Variants in STK25 observed in about 807,000 individuals in gnomAD.
STK25 encodes serine/threonine-protein kinase 25.
Under a neutral mutation model 53.8 loss-of-function variants are expected in STK25, and 29 were observed. The ratio of observed to expected loss-of-function variants is 0.54; its 90% CI spans 0.40 to 0.74. The LOEUF is 0.74. Ranked by LOEUF, STK25 falls within the 30% of genes least tolerant of loss-of-function variation. STK25 has a pLI of 0.00. For synonymous variants in STK25, 247 were observed against 238.3 expected, an observed-to-expected ratio of 1.04 and a Z score of -0.33; for missense variants, 420 against 568.0, an observed-to-expected ratio of 0.74 and a Z score of 2.65.
Position 241,494,157 on chromosome 2 carries a change from C to A in STK25, c.*1505G>T. ...ACCTGCCCAGGTTTGGACACAACTACAAAGAACAGCAGGACACAGAGGTGA... is the reference window on the plus strand; with the variant it reads ...ACCTGCCCAGGTTTGGACACAACTAAAAAGAACAGCAGGACACAGAGGTGA... On this transcript the variant is annotated 3_prime_UTR_variant, in exon 12 of 12. Coordinates refer to ENST00000316586, the MANE Select transcript of STK25 (RefSeq NM_001271977.2). This position sits in a 1 kb window ranked among gnomAD's most constrained non-coding sequence, Gnocchi z 4.9. 7.5e-7 allele frequency: 1 copy of A among 1,328,694 alleles called. No individual in the cohort carries two copies. Among genetic ancestry groups the A allele is most frequent in the Non-Finnish European group, 1.0e-6 (1 of 987,166 alleles). 82.3% of individuals were successfully genotyped at this position (1,328,694 alleles called of 1,614,324 possible). A position where few individuals can be genotyped will look rare whatever the true frequency, so the allele number is the denominator to read the frequency against.
Position 241,498,239 on chromosome 2 carries a change from T to G in STK25, c.1028A>C (p.Gln343Pro), listed in dbSNP as rs76250622. 302 of 1,613,310 alleles carry G rather than the reference T, an allele frequency of 1.9e-4. 2 individuals carry two copies. In the African/African-American group the frequency reaches 3.6e-3, roughly 19 times the overall value. ...AAGGCCAGGCCAGGAACAGACCTTC[T>G]GTGAACTGTGCAGGGCCGTCCCCTT... ...LHKGTALHSS[Q>P]KPAEPVKRQP... Residue 343 changes from glutamine to proline, a missense_variant, in exon 9 of 12, where the codon CAG becomes CCG. Coordinates refer to ENST00000316586, the MANE Select transcript of STK25 (RefSeq NM_001271977.2).
intron 2 of STK25, among the ~76,000 whole-genome samples, chr2:241,504,935 G>A (rs1264079942): frequency 8.0e-6 from 1 of 125,480 alleles, no homozygotes; most frequent in African/African-American, 3.0e-5. Context: ...TTTTTTTTTT[G>A]AGATAGAGTC....
chr2:241,494,874 G>C lies in STK25; in HGVS notation c.*788C>G, dbSNP rs992651381. On this transcript the variant is annotated 3_prime_UTR_variant, in exon 12 of 12. Coordinates refer to ENST00000316586, the MANE Select transcript of STK25 (RefSeq NM_001271977.2). This position sits in a 1 kb window ranked among gnomAD's most constrained non-coding sequence, Gnocchi z 4.9. ...TCTCCTCTGCCTGCTCTGTTCTTCCGGTGGGCCAAGCAGAGCCCAGGAATC... is the reference window on the plus strand; with the variant it reads ...TCTCCTCTGCCTGCTCTGTTCTTCCCGTGGGCCAAGCAGAGCCCAGGAATC... 9 of 152,008 alleles carry C rather than the reference G, an allele frequency of 5.9e-5. No homozygotes were observed. The highest frequency in any genetic ancestry group is 1.9e-4 in the African/African-American group (8 of 41,356). 9.4% of individuals were successfully genotyped at this position (152,008 alleles called of 1,614,324 possible).
intron 9 of STK25, 55 bp downstream of exon 9, chr2:241,498,180 C>G (rs2065285778): frequency 6.6e-7 from 1 of 1,518,934 alleles, no homozygotes; most frequent in Non-Finnish European, 9.1e-7. Flanking sequence ...CCGCATCCAG[C>G]CCATCCCACG....
chr2:241,504,017 GGGC>G (rs1330529155), intron 2 of STK25: 2 of 471,162 alleles, frequency 4.2e-6, no homozygotes, highest in Non-Finnish European at 8.8e-6. Context: ...AGGGTGGAAG[GGGC>G]GGCACACAGG....
At chr2:241,500,071 G>C (rs560642439) in intron 5 of STK25, 102 bp downstream of exon 5, 4 of 962,276 alleles carry the variant, frequency 4.2e-6, no homozygotes, top group African/African-American at 1.6e-5. Flanking sequence ...CTATACTCCA[G>C]ACCCTGGGCA....
Position 241,508,566 on chromosome 2 carries a change from G to T in STK25, c.-224C>A, listed in dbSNP as rs2066000915. 1.0e-6 allele frequency: 1 copy of T among 991,776 alleles called. No individual in the cohort carries two copies. The highest frequency in any genetic ancestry group is 1.7e-5 in the African/African-American group (1 of 57,256). 61.4% of individuals were successfully genotyped at this position (991,776 alleles called of 1,614,324 possible). ...CAGCCCGCGAAGCAACGGTGGTGGCGGCAGCGACCGGAGAAAGCCCGGAGG... is the reference window on the plus strand; with the variant it reads ...CAGCCCGCGAAGCAACGGTGGTGGCTGCAGCGACCGGAGAAAGCCCGGAGG... On this transcript the variant is annotated 5_prime_UTR_variant, in exon 1 of 12. Coordinates refer to ENST00000316586, the MANE Select transcript of STK25 (RefSeq NM_001271977.2).
upstream of STK25, chr2:241,508,652 C>G (rs2066005701): frequency 1.0e-6 from 1 of 986,502 alleles, no homozygotes; most frequent in Non-Finnish European, 1.2e-6. Flanking sequence ...ACCCCGAGTC[C>G]CACCGCCCAC....
Position 241,492,764 on chromosome 2 carries a change from G to C in STK25, c.*2898C>G, listed in dbSNP as rs1292384434. Reference sequence around the variant, plus strand: ...CACTCTAGGTTTTTAACATGCTTCTGTTGGACTTAAGTACTGATAAAGCTG... The same window carrying C: ...CACTCTAGGTTTTTAACATGCTTCTCTTGGACTTAAGTACTGATAAAGCTG... On this transcript the variant is annotated 3_prime_UTR_variant, in exon 12 of 12. Coordinates refer to ENST00000316586, the MANE Select transcript of STK25 (RefSeq NM_001271977.2). 3.5e-6 allele frequency: 2 copies of C among 566,550 alleles called. No individual in the cohort carries two copies. The highest frequency in any genetic ancestry group is 6.3e-6 in the Non-Finnish European group (2 of 317,140). 35.1% of individuals were successfully genotyped at this position (566,550 alleles called of 1,614,324 possible).
intron 11 of STK25, 77 bp from the exon 12 acceptor site, chr2:241,495,778 C>T: frequency 6.6e-7 from 1 of 1,524,498 alleles, no homozygotes; most frequent in Non-Finnish European, 9.1e-7. Flanking sequence ...GGTGTGCAGT[C>T]TGCGGTGGCA....
At chr2:241,498,883 C>A in intron 7 of STK25, 99 bp from the exon 8 acceptor site, 1 of 1,607,694 alleles carries the variant, frequency 6.2e-7, no homozygotes, top group South Asian at 1.1e-5. Context: ...GCCCTCACAG[C>A]TACAAGGCTG....
At chr2:241,499,819 T>A (rs1418031883) in intron 5 of STK25, 2 of 452,718 alleles carry the variant, frequency 4.4e-6, no homozygotes, top group Admixed American at 6.8e-5. Context: ...TCCCTCCCCA[T>A]GGGCTGGCCC....
Position 241,497,661 on chromosome 2 carries a change from C to G in STK25, c.1059G>C (p.Pro353=). ...CCAGCGTGGACAGGCACTGGGACCT[C>G]GGCTGCCTCTTGACGGGCTCCGCAG... ...QKPAEPVKRQ[P]RSQCLSTLVR... is the part of the protein sequence containing the mutation. The change falls in exon 10 of 12, where the codon CCG becomes CCC. Residue 353 remains proline (P), a synonymous_variant. Coordinates refer to ENST00000316586, the MANE Select transcript of STK25 (RefSeq NM_001271977.2). 6.2e-7 allele frequency: 1 copy of G among 1,613,482 alleles called. No individual in the cohort carries two copies. Among genetic ancestry groups the G allele is most frequent in the South Asian group, 1.1e-5 (1 of 91,090 alleles).
rs2065187575 is a variant in STK25 at position 241,496,731 on chromosome 2, T to TG, written c.1105-198dup. ...CCTGCCCTGCCAACGGGGACCCTAG[T>TG]GGTCCTTCCCCACAGCACCTACCTT... On this transcript the variant is annotated intron_variant, in intron 10 of 11. Transcript: ENST00000316586. The surrounding 1 kb of genome is among the most constrained non-coding windows in gnomAD (Gnocchi z 5.8). 6.6e-6 allele frequency among the ~76,000 whole-genome samples: 1 copy of TG among 151,970 alleles called. No homozygotes were observed. Among genetic ancestry groups the TG allele is most frequent in the African/African-American group, 2.4e-5 (1 of 41,362 alleles).
chr2:241,505,893 TG>T (rs78761154), intron 2 of STK25, among the ~76,000 whole-genome samples: 9,250 of 152,214 alleles, frequency 0.061, 302 homozygotes, highest in Middle Eastern at 0.13. Context: ...GTGGCCTGGA[TG>T]ATCACTCGGG....
chr2:241,495,646 T>C lies in STK25; in HGVS notation c.*16A>G. On this transcript the variant is annotated 3_prime_UTR_variant, in exon 12 of 12. Transcript: ENST00000316586. ...AACAAACGACCTTCCGTCCCCTATC[T>C]GAACAGCAGTGCGCTTCAGCGGGTG... The C allele has an allele frequency of 6.2e-7, 1 of 1,614,150 alleles. No individual in the cohort carries two copies. Among genetic ancestry groups the C allele is most frequent in the Non-Finnish European group, 8.5e-7 (1 of 1,179,952 alleles).
chr2:241,493,893 G>A lies in STK25; in HGVS notation c.*1769C>T, dbSNP rs978511365. ...ATTATAGGCATGAGCCACCGCACCC[G>A]GCCCCAGGTTTTTAACCCTTCTTTT... On this transcript the variant is annotated 3_prime_UTR_variant, in exon 12 of 12. Coordinates refer to ENST00000316586, the MANE Select transcript of STK25 (RefSeq NM_001271977.2). 2.5e-5 allele frequency: 16 copies of A among 632,206 alleles called. No individual in the cohort carries two copies. The highest frequency in any genetic ancestry group is 2.3e-4 in the Admixed American group (8 of 34,372). 39.2% of individuals were successfully genotyped at this position (632,206 alleles called of 1,614,324 possible). A position where few individuals can be genotyped will look rare whatever the true frequency, so the allele number is the denominator to read the frequency against.
rs2065191717 is a variant in STK25, at chr2:241,496,775, A to C, written c.1105-241T>G. On this transcript the variant is annotated intron_variant, in intron 10 of 11. Coordinates refer to ENST00000316586, the MANE Select transcript of STK25 (RefSeq NM_001271977.2). The surrounding 1 kb of genome is among the most constrained non-coding windows in gnomAD (Gnocchi z 5.8). The stretch of plus-strand genomic sequence containing the variant: ...CTACCTTCCCCCTACACTCCGGGGA[A>C]TCTCGGACCTCGGTTCTCAGGAGGG... Among the ~76,000 whole-genome samples, 1 of 152,038 alleles carries C rather than the reference A, an allele frequency of 6.6e-6. No homozygotes were observed. The highest frequency in any genetic ancestry group is 6.5e-5 in the Admixed American group (1 of 15,274).
At chr2:241,499,666 AACG>A in intron 5 of STK25, 1 of 577,068 alleles carries the variant, frequency 1.7e-6, no homozygotes, top group South Asian at 2.1e-5. Context: ...GACAAATCCC[AACG>A]ACAAGCGACT....
Sources: gnomAD v4.1 joint callset for allele counts (sites outside exome capture counted in the v4.1 genomes callset) on GRCh38, gnomAD v4.1.1 for gene constraint, Gnocchi (gnomAD v3.1) non-coding constraint, MANE v1.5 for transcripts, NCBI Gene and HGNC (gene_info 2026-07-23, HGNC 2026-07-21) for gene names.